The following DLG2 variants were observed in gnomAD, a reference collection of about 807,000 sequenced individuals.
DLG2 encodes disks large homolog 2.
DLG2 carries 45 observed loss-of-function variants against 132.5 expected under a neutral mutation model. The ratio of observed to expected loss-of-function variants is 0.34; its 90% CI spans 0.27 to 0.44. DLG2 has a LOEUF of 0.44. Ranked by LOEUF, DLG2 falls within the 20% of genes least tolerant of loss-of-function variation. The pLI, the probability that DLG2 is intolerant of heterozygous loss-of-function variation, is 1.00. For synonymous variants in DLG2, 424 were observed against 419.6 expected, an observed-to-expected ratio of 1.01 and a Z score of -0.13; for missense variants, 1,045 against 1,196.9, an observed-to-expected ratio of 0.87 and a Z score of 1.87.
At chr11:84,971,054 T>C (rs2054031034) in intron 6 of DLG2, among the ~76,000 whole-genome samples, 1 of 152,204 alleles carries the variant, frequency 6.6e-6, no homozygotes, top group Non-Finnish European at 1.5e-5. Flanking sequence ...TCTGATGCTA[T>C]GGTGATCCAA....
At chr11:85,191,160 G>GTGCA (rs1555395200) in intron 4 of DLG2, among the ~76,000 whole-genome samples, 3 of 101,108 alleles carry the variant, frequency 3.0e-5, no homozygotes, top group African/African-American at 4.4e-5. Flanking sequence ...GCGCGCACGC[G>GTGCA]CGCACACACA....
chr11:84,607,424 G>A (rs2099587769), intron 6 of DLG2, among the ~76,000 whole-genome samples: 2 of 152,050 alleles, frequency 1.3e-5, no homozygotes, highest in African/African-American at 4.8e-5. Flanking sequence ...ACTAGAGCAG[G>A]CTATAATGAT....
At chr11:84,535,553 G>A (rs1297293876) in intron 6 of DLG2, among the ~76,000 whole-genome samples, 1 of 151,844 alleles carries the variant, frequency 6.6e-6, no homozygotes, top group Non-Finnish European at 1.5e-5. Flanking sequence ...GAAGTTGGCA[G>A]AGAAAAAAAA....
At chr11:83,787,340 T>TTTCTTTTTTTTTTTTTTG (rs66699053) in intron 17 of DLG2, among the ~76,000 whole-genome samples, 1 of 102,756 alleles carries the variant, frequency 9.7e-6, no homozygotes, top group Non-Finnish European at 1.8e-5. Flanking sequence ...TTTTTTTTTT[T>TTTCTTTTTTTTTTTTTTG]AGACAGAGTC....
At chr11:84,353,691 T>A (rs1455854235) in intron 7 of DLG2, among the ~76,000 whole-genome samples, 1 of 152,222 alleles carries the variant, frequency 6.6e-6, no homozygotes, top group African/African-American at 2.4e-5. Flanking sequence ...CTCAAGGTCA[T>A]GTTTGGTATG....
At chr11:84,384,672 T>C (rs113956178) in intron 7 of DLG2, among the ~76,000 whole-genome samples, 4 of 152,038 alleles carry the variant, frequency 2.6e-5, no homozygotes, top group African/African-American at 9.6e-5. Context: ...TAAATATATA[T>C]ATATTAGAAA....
intron 11 of DLG2, among the ~76,000 whole-genome samples, chr11:83,984,702 A>C (rs2093110475): frequency 6.6e-6 from 1 of 152,050 alleles, no homozygotes; most frequent in Non-Finnish European, 1.5e-5. Flanking sequence ...TTTAATTTTT[A>C]GTTGTTATGG....
intron 19 of DLG2, among the ~76,000 whole-genome samples, chr11:83,611,607 A>T (rs1418086961): frequency 6.6e-6 from 1 of 152,250 alleles, no homozygotes; most frequent in Non-Finnish European, 1.5e-5. Context: ...TTATTTCAAT[A>T]ACAGCACATC....
intron 4 of DLG2, among the ~76,000 whole-genome samples, chr11:85,270,973 A>G (rs2077494619): frequency 6.6e-6 from 1 of 152,222 alleles, no homozygotes; most frequent in Non-Finnish European, 1.5e-5. Flanking sequence ...TCTGAGGAGA[A>G]ATTCAAGCTG....
intron 4 of DLG2, among the ~76,000 whole-genome samples, chr11:85,259,995 T>C (rs1163060735): frequency 2.0e-5 from 3 of 152,116 alleles, no homozygotes; most frequent in African/African-American, 4.8e-5. Context: ...TGGGCTAAGG[T>C]ACCCAGGGCA....
intron 6 of DLG2, among the ~76,000 whole-genome samples, chr11:84,756,240 C>T (rs772356740): frequency 3.9e-5 from 6 of 152,052 alleles, no homozygotes; most frequent in South Asian, 2.1e-4. Flanking sequence ...GTTATAGCAG[C>T]GTAGGAGAAA....
chr11:85,286,311 G>T (rs2078555731), intron 3 of DLG2, among the ~76,000 whole-genome samples: 1 of 152,106 alleles, frequency 6.6e-6, no homozygotes, highest in African/African-American at 2.4e-5. Flanking sequence ...TTACAGGCAA[G>T]TAAGGTTAAA....
At chr11:84,316,870 A>G (rs915263135) in intron 7 of DLG2, 1 of 1,612,850 alleles carries the variant, frequency 6.2e-7, no homozygotes, top group Non-Finnish European at 8.5e-7. Flanking sequence ...AATGCTCCCC[A>G]CAAGTCCCTT....
intron 27 of DLG2, among the ~76,000 whole-genome samples, chr11:83,461,384 G>C (rs1226536114): frequency 6.6e-6 from 1 of 152,004 alleles, no homozygotes; most frequent in Non-Finnish European, 1.5e-5. Flanking sequence ...TTCTATGAAA[G>C]TATATAGGAA....
chr11:83,729,859 C>T (rs1593230484), intron 18 of DLG2, among the ~76,000 whole-genome samples: 3 of 152,122 alleles, frequency 2.0e-5, no homozygotes, highest in African/African-American at 7.2e-5. Flanking sequence ...GAACATATGA[C>T]CATTAAAATA....
chr11:85,379,159 G>A (rs1280062168), intron 3 of DLG2, among the ~76,000 whole-genome samples: 1 of 152,062 alleles, frequency 6.6e-6, no homozygotes, highest in Admixed American at 6.6e-5. Flanking sequence ...AACTTCCTTG[G>A]ACTCCATGAA....
chr11:83,706,849 A>G (rs542543146), intron 18 of DLG2, among the ~76,000 whole-genome samples: 32 of 152,232 alleles, frequency 2.1e-4, no homozygotes, highest in Non-Finnish European at 4.4e-4. Context: ...GCTGGTTGCT[A>G]CAGCAATGCC....
chr11:83,466,553 G>C (rs963749044), intron 26 of DLG2, among the ~76,000 whole-genome samples, 155 bp downstream of exon 26: 1 of 152,156 alleles, frequency 6.6e-6, no homozygotes, highest in Non-Finnish European at 1.5e-5. Context: ...TTGTTTAAAA[G>C]AACTTTGATA....
chr11:83,473,932 A>T (rs1478442405), intron 22 of DLG2, among the ~76,000 whole-genome samples: 5 of 152,126 alleles, frequency 3.3e-5, no homozygotes, highest in Non-Finnish European at 7.4e-5. Flanking sequence ...GCGAAGTTGG[A>T]TGACTTCCTT....
Sources: allele counts gnomAD v4.1 joint callset (sites outside exome capture counted in the v4.1 genomes callset), GRCh38; gene constraint gnomAD v4.1.1; transcripts MANE v1.5; gene names NCBI Gene and HGNC (gene_info 2026-07-23, HGNC 2026-07-21).